Variants in SNTG2 observed in about 807,000 individuals in gnomAD.
The protein encoded by SNTG2 is gamma-2-syntrophin.
SNTG2 carries 74 observed loss-of-function variants against 70.9 expected under a neutral mutation model. The observed-to-expected ratio is 1.04, with a 90% CI of 0.86 to 1.27. The LOEUF (loss-of-function observed/expected upper bound fraction) is 1.27. Among genes scored for constraint, SNTG2 ranks in the 50% most tolerant of loss-of-function variants. The probability of loss-of-function intolerance (pLI) is 0.00; values close to 1 mark genes in which losing one functional copy is unlikely to be tolerated. For synonymous variants in SNTG2, 278 were observed against 273.8 expected, an observed-to-expected ratio of 1.02 and a Z score of -0.15; for missense variants, 717 against 690.7, an observed-to-expected ratio of 1.04 and a Z score of -0.43.
At chr2:1,027,342 G>A (rs1269687015) in intron 1 of SNTG2, among the ~76,000 whole-genome samples, 1 of 150,832 alleles carries the variant, frequency 6.6e-6, no homozygotes, top group African/African-American at 2.4e-5. Flanking sequence ...ATAAGCAGGT[G>A]TATCATTGAA....
At chr2:1,144,125 C>T (rs1266967919) in intron 6 of SNTG2, among the ~76,000 whole-genome samples, 1 of 152,012 alleles carries the variant, frequency 6.6e-6, no homozygotes, top group Non-Finnish European at 1.5e-5. Flanking sequence ...TCTTTACCTC[C>T]TAAATCTTTA....
intron 14 of SNTG2, among the ~76,000 whole-genome samples, chr2:1,298,113 C>A (rs955932565): frequency 6.6e-6 from 1 of 152,096 alleles, no homozygotes; most frequent in African/African-American, 2.4e-5. Flanking sequence ...ATTTTATATA[C>A]ATTTCATTCA....
intron 1 of SNTG2, among the ~76,000 whole-genome samples, chr2:954,011 C>A (rs1390891560): frequency 1.3e-5 from 2 of 152,030 alleles, no homozygotes; most frequent in East Asian, 3.9e-4. Context: ...CGCAGGCCTC[C>A]TATTTACTAA....
intron 10 of SNTG2, among the ~76,000 whole-genome samples, chr2:1,238,285 C>T (rs1205325252): frequency 1.3e-5 from 2 of 152,142 alleles, no homozygotes; most frequent in African/African-American, 4.8e-5. Context: ...TCTCTCCCTC[C>T]CTTCCTCTCT....
intron 4 of SNTG2, among the ~76,000 whole-genome samples, chr2:1,099,213 C>T (rs148045061): frequency 1.1e-4 from 17 of 152,258 alleles, no homozygotes; most frequent in Admixed American, 2.6e-4. Flanking sequence ...CAAGGGGCAC[C>T]TGGACATGCG....
intron 8 of SNTG2, among the ~76,000 whole-genome samples, chr2:1,197,501 G>GTGTATATA (rs1672985885): frequency 9.2e-6 from 1 of 109,132 alleles, no homozygotes; most frequent in African/African-American, 3.1e-5. Flanking sequence ...ATGTATATAT[G>GTGTATATA]TGTATGTATA....
At chr2:1,232,796 G>T (rs899654589) in intron 9 of SNTG2, among the ~76,000 whole-genome samples, 2 of 152,156 alleles carry the variant, frequency 1.3e-5, no homozygotes, top group African/African-American at 4.8e-5. Flanking sequence ...GAAATTTCAA[G>T]ATTTTTCAAA....
chr2:1,302,942 G>A (rs1489198388), intron 14 of SNTG2, among the ~76,000 whole-genome samples: 1 of 152,098 alleles, frequency 6.6e-6, no homozygotes, highest in Non-Finnish European at 1.5e-5. Flanking sequence ...GGAAGACCCA[G>A]CCATCCTAAG....
At position 1,238,024 on chromosome 2, in the gene SNTG2, A is replaced by G. The variant is rs374982747; in HGVS notation, c.849+7A>G. On this transcript the variant is annotated splice_region_variant and intron_variant, in intron 10 of 16. Transcript: ENST00000308624. ...GGAGCTGACACTTCAGAACGTGAGC[A>G]CACGGTGTTTCTGAGTCTCTGCTGA... 11 of 1,606,888 alleles carry G rather than the reference A, an allele frequency of 6.8e-6. No individual in the cohort carries two copies. The highest frequency in any genetic ancestry group is 9.3e-6 in the Non-Finnish European group (11 of 1,176,478).
intron 9 of SNTG2, among the ~76,000 whole-genome samples, chr2:1,234,581 A>G (rs1676481044): frequency 5.9e-5 from 9 of 152,206 alleles, no homozygotes; most frequent in Admixed American, 5.9e-4. Context: ...TGAGATGTCC[A>G]GCCTGCCTCA....
chr2:1,240,258 G>A (rs1468436625), intron 11 of SNTG2, among the ~76,000 whole-genome samples: 2 of 152,198 alleles, frequency 1.3e-5, no homozygotes, highest in Admixed American at 6.5e-5. Context: ...AATCCAGGCA[G>A]TTTGTTCACC....
Position 996,673 on chromosome 2 carries a change from G to GTTTTTTT in SNTG2, c.72+45630_72+45636dup. Among the ~76,000 whole-genome samples the GTTTTTTT allele has an allele frequency of 1.7e-3, 59 of 35,096 alleles. 15 individuals are homozygous for GTTTTTTT. The East Asian group carries it at 0.024, about 14-fold the overall frequency. 23.0% of individuals were successfully genotyped at this position (35,096 alleles called of 152,430 possible). On this transcript the variant is annotated intron_variant, in intron 1 of 16. Transcript: ENST00000308624. ...ATATTGCTTGTATTTGAGTTACCCA[G>GTTTTTTT]TTTTTTTTTTTTTTTTTTTTTTTTT...
chr2:1,157,925 A>G lies in SNTG2; in HGVS notation c.412-7623A>G, dbSNP rs148099470. On this transcript the variant is annotated intron_variant, in intron 6 of 16. Coordinates refer to ENST00000308624, the MANE Select transcript of SNTG2 (RefSeq NM_018968.4). ...TAATAAGGGAGAAGGAGTTTGCCTT[A>G]GGCAGTTTTCTTTAAAAGTCTCATT... Among the ~76,000 whole-genome samples the G allele has an allele frequency of 1.3e-4, 20 of 152,326 alleles. 1 individual carries two copies. In the East Asian group the frequency reaches 3.9e-3, roughly 29 times the overall value.
intron 13 of SNTG2, 83 bp downstream of exon 13, chr2:1,259,524 C>A: frequency 1.7e-6 from 2 of 1,162,646 alleles, no homozygotes; most frequent in Non-Finnish European, 2.6e-6. Context: ...GTTTGTTCTG[C>A]GTGGTCCATT....
chr2:1,174,818 T>C (rs1461969995), intron 8 of SNTG2, among the ~76,000 whole-genome samples: 11 of 152,208 alleles, frequency 7.2e-5, no homozygotes, highest in South Asian at 4.1e-4. Context: ...TTTCCTTTGG[T>C]TTTTCCTCTT....
chr2:1,327,954 G>A (rs1681823854), intron 16 of SNTG2, among the ~76,000 whole-genome samples: 1 of 152,160 alleles, frequency 6.6e-6, no homozygotes, highest in Non-Finnish European at 1.5e-5. Flanking sequence ...TCTGCATGCT[G>A]TACAGGAAGG....
At chr2:961,947 G>T (rs1410520206) in intron 1 of SNTG2, among the ~76,000 whole-genome samples, 2 of 152,190 alleles carry the variant, frequency 1.3e-5, no homozygotes, top group Non-Finnish European at 2.9e-5. Context: ...TTTTAGAACA[G>T]CAGTACTTCT....
At chr2:1,019,266 G>A (rs539074420) in intron 1 of SNTG2, among the ~76,000 whole-genome samples, 42 of 152,226 alleles carry the variant, frequency 2.8e-4, no homozygotes, top group Non-Finnish European at 5.7e-4. Flanking sequence ...GAGGGTCTTG[G>A]AGAACATGCT....
chr2:1,155,816 G>C (rs1314901735), intron 6 of SNTG2, among the ~76,000 whole-genome samples: 1 of 152,180 alleles, frequency 6.6e-6, no homozygotes, highest in African/African-American at 2.4e-5. Flanking sequence ...TGGGAGGGGT[G>C]CAGGCACGTG....
Sources: gnomAD v4.1 joint callset for allele counts (sites outside exome capture counted in the v4.1 genomes callset) on GRCh38, gnomAD v4.1.1 for gene constraint, MANE v1.5 for transcripts, NCBI Gene and HGNC (gene_info 2026-07-23, HGNC 2026-07-21) for gene names.